The following MAP2K1 variants were observed in gnomAD, a reference collection of about 807,000 sequenced individuals.
MAP2K1 encodes the protein dual specificity mitogen-activated protein kinase kinase 1.
MAP2K1 carries 16 observed loss-of-function variants against 46.3 expected under a neutral mutation model. That is an observed-to-expected ratio of 0.35 (90% CI 0.23 to 0.52). MAP2K1 has a LOEUF of 0.52. Among genes scored for constraint, MAP2K1 ranks in the 20% least tolerant of loss-of-function variants. The pLI is 0.94. For missense variants in MAP2K1, 263 were observed against 497.1 expected (o/e 0.53, Z 4.48); for synonymous variants, 183 against 185.6 (o/e 0.99, Z 0.11).
intron 1 of MAP2K1, among the ~76,000 whole-genome samples, chr15:66,399,856 A>G (rs2093377294): frequency 6.6e-6 from 1 of 151,928 alleles, no homozygotes; most frequent in Non-Finnish European, 1.5e-5. Flanking sequence ...CAGCCTCCCA[A>G]AGTGCTGGGA....
chr15:66,459,366 C>T (rs949054870), intron 5 of MAP2K1, among the ~76,000 whole-genome samples: 5 of 151,060 alleles, frequency 3.3e-5, no homozygotes, highest in African/African-American at 1.2e-4. Context: ...CCTATAATCC[C>T]AGCACTTTGG....
chr15:66,387,240 C>T lies in MAP2K1; in HGVS notation c.-108C>T. 1.1e-6 allele frequency: 1 copy of T among 924,570 alleles called. No homozygotes were observed. Among genetic ancestry groups the T allele is most frequent in the South Asian group, 1.7e-5 (1 of 59,814 alleles). 57.3% of individuals were successfully genotyped at this position (924,570 alleles called of 1,614,324 possible). The stretch of plus-strand genomic sequence containing the variant: ...CACCCGCTGAAGGCAGCCCCGGGGC[C>T]CGCGGCCCGGACTTGGTCCTGCGCA... On this transcript the variant is annotated 5_prime_UTR_variant, in exon 1 of 11. Transcript: ENST00000307102.
intron 5 of MAP2K1, among the ~76,000 whole-genome samples, chr15:66,460,598 G>A (rs1432311733): frequency 1.3e-5 from 2 of 152,166 alleles, no homozygotes; most frequent in Non-Finnish European, 2.9e-5. Flanking sequence ...TCACTGCCAT[G>A]TTCAGGAAGT....
At chr15:66,479,793 G>A (rs1892870001) in intron 5 of MAP2K1, among the ~76,000 whole-genome samples, 1 of 152,200 alleles carries the variant, frequency 6.6e-6, no homozygotes, top group Non-Finnish European at 1.5e-5. Flanking sequence ...GGCAGAGAGA[G>A]GCTAGAGCTG....
At chr15:66,405,959 G>A (rs997536988) in intron 1 of MAP2K1, among the ~76,000 whole-genome samples, 1 of 152,218 alleles carries the variant, frequency 6.6e-6, no homozygotes, top group Non-Finnish European at 1.5e-5. Flanking sequence ...ACAGAGGGAT[G>A]TATACTTTGA....
chr15:66,421,093 T>TAC (rs71454561), intron 1 of MAP2K1, among the ~76,000 whole-genome samples: 7,663 of 128,622 alleles, frequency 0.06, 241 homozygotes, highest in Middle Eastern at 0.12. Context: ...TACACACACA[T>TAC]ACACACACAC....
At chr15:66,420,863 A>G (rs1165231136) in intron 1 of MAP2K1, among the ~76,000 whole-genome samples, 6 of 123,984 alleles carry the variant, frequency 4.8e-5, no homozygotes, top group South Asian at 2.3e-4. Flanking sequence ...ATGTGTGTAT[A>G]TATATGTGTG....
At chr15:66,394,881 C>T (rs1005932918) in intron 1 of MAP2K1, among the ~76,000 whole-genome samples, 6 of 152,162 alleles carry the variant, frequency 3.9e-5, no homozygotes, top group African/African-American at 1.4e-4. Flanking sequence ...GTGAAAAAGG[C>T]CTGCTTAAGC....
intron 1 of MAP2K1, among the ~76,000 whole-genome samples, chr15:66,392,833 G>A (rs1003273494): frequency 3.9e-5 from 6 of 152,050 alleles, no homozygotes; most frequent in Non-Finnish European, 5.9e-5. Context: ...GCTTACAGGC[G>A]TGAGCCACCA....
At chr15:66,405,201 A>G (rs1248464939) in intron 1 of MAP2K1, among the ~76,000 whole-genome samples, 1 of 152,106 alleles carries the variant, frequency 6.6e-6, no homozygotes, top group Non-Finnish European at 1.5e-5. Context: ...CTAAGTTTAG[A>G]CTCAGGTCTG....
Position 66,478,796 on chromosome 15 carries a change from G to T in MAP2K1, c.569-2959G>T, listed in dbSNP as rs542151979. On this transcript the variant is annotated intron_variant, in intron 5 of 10. Coordinates refer to ENST00000307102, the MANE Select transcript of MAP2K1 (RefSeq NM_002755.4). ...CTGGCTGGGTTTTATATTTTTCTTT[G>T]TGCCACTTAAGACCACCTAATGTTA... Among the ~76,000 whole-genome samples the T allele has an allele frequency of 4.6e-5, 7 of 152,024 alleles. 1 individual carries two copies. The South Asian group carries it at 1.5e-3, about 32-fold the overall frequency.
At chr15:66,401,892 A>G (rs1208834449) in intron 1 of MAP2K1, 2 of 922,024 alleles carry the variant, frequency 2.2e-6, no homozygotes, top group Non-Finnish European at 3.2e-6. Context: ...GAAGCCAGCA[A>G]GTAGTTGAGT....
At chr15:66,410,543 G>C (rs561365705) in intron 1 of MAP2K1, among the ~76,000 whole-genome samples, 1 of 152,144 alleles carries the variant, frequency 6.6e-6, no homozygotes, top group Non-Finnish European at 1.5e-5. Flanking sequence ...CCATATTTTT[G>C]ATATATAATC....
intron 1 of MAP2K1, among the ~76,000 whole-genome samples, chr15:66,428,030 C>A (rs909320034): frequency 6.6e-6 from 1 of 152,046 alleles, no homozygotes; most frequent in Non-Finnish European, 1.5e-5. Context: ...AAAGAAACCT[C>A]TCCAACTTGA....
rs747286860 is a variant in MAP2K1, at chr15:66,490,426, T to C, written c.1069-76T>C. 6 of 1,091,278 alleles carry C rather than the reference T, an allele frequency of 5.5e-6. No individual in the cohort carries two copies. The South Asian group carries it at 7.5e-5, about 14-fold the overall frequency. The allele number at this position is 1,091,278 out of a possible 1,614,324, so 67.6% of individuals were successfully genotyped here. A position where few individuals can be genotyped will look rare whatever the true frequency, so the allele number is the denominator to read the frequency against. ...AGCACAAGCTCTAGACCTGAAACTC[T>C]TGGATTTTCCTTCCTGGTGGGTTTT... On this transcript the variant is annotated intron_variant, in intron 10 of 10. Coordinates refer to ENST00000307102, the MANE Select transcript of MAP2K1 (RefSeq NM_002755.4).
chr15:66,434,065 G>A (rs2093481325), intron 1 of MAP2K1, among the ~76,000 whole-genome samples: 1 of 152,218 alleles, frequency 6.6e-6, no homozygotes, highest in South Asian at 2.1e-4. Flanking sequence ...TTCAGCTGTA[G>A]CTGGTATTGT....
chr15:66,419,154 G>GT (rs202231028), intron 1 of MAP2K1, among the ~76,000 whole-genome samples: 60 of 148,902 alleles, frequency 4.0e-4, no homozygotes, highest in Admixed American at 1.3e-3. Context: ...TATAACTTCT[G>GT]TTTTTTTTTC....
At chr15:66,475,574 G>C (rs1228752138) in intron 5 of MAP2K1, among the ~76,000 whole-genome samples, 2 of 152,070 alleles carry the variant, frequency 1.3e-5, no homozygotes, top group Non-Finnish European at 2.9e-5. Context: ...GAATTCAGCT[G>C]CTTTTAATAT....
intron 1 of MAP2K1, among the ~76,000 whole-genome samples, chr15:66,434,274 C>G (rs1174060360): frequency 6.6e-6 from 1 of 151,996 alleles, no homozygotes; most frequent in African/African-American, 2.4e-5. Context: ...ATTGTGATTA[C>G]TCTGCAAGTA....
Sources: gnomAD v4.1 joint callset for allele counts (sites outside exome capture counted in the v4.1 genomes callset) on GRCh38, gnomAD v4.1.1 for gene constraint, MANE v1.5 for transcripts, NCBI Gene and HGNC (gene_info 2026-07-23, HGNC 2026-07-21) for gene names.